Variants in TVP23A observed in about 807,000 individuals in gnomAD.
TVP23A encodes Golgi apparatus membrane protein TVP23 homolog A.
A neutral mutation model predicts 31.7 loss-of-function variants in TVP23A; 21 were observed. The observed-to-expected ratio is 0.66, with a 90% CI of 0.47 to 0.95. TVP23A has a LOEUF of 0.95. Ranked by LOEUF, TVP23A falls within the 40% of genes least tolerant of loss-of-function variation. The pLI is 0.00. For missense variants in TVP23A, 279 were observed against 255.6 expected (o/e 1.09, Z -0.62); for synonymous variants, 104 against 96.0 (o/e 1.08, Z -0.49).
At chr16:10,789,822 C>T (rs1406884266) in intron 2 of TVP23A, among the ~76,000 whole-genome samples, 1 of 144,710 alleles carries the variant, frequency 6.9e-6, no homozygotes, top group Non-Finnish European at 1.5e-5. Context: ...CAGAGTGAGA[C>T]TCTGTCTCAA....
chr16:10,761,787 G>T (rs267604406), downstream of TVP23A: 7 of 1,613,688 alleles, frequency 4.3e-6, no homozygotes, highest in Non-Finnish European at 5.9e-6. Flanking sequence ...TCCCACAACC[G>T]GGGGCGCGGA....
intron 2 of TVP23A, among the ~76,000 whole-genome samples, chr16:10,789,542 A>G (rs576549919): frequency 1.3e-5 from 2 of 151,762 alleles, no homozygotes; most frequent in South Asian, 4.2e-4. Context: ...CAAGATATAC[A>G]TTGGGGCTGG....
chr16:10,765,200 A>G (rs1485930761), downstream of TVP23A: 1 of 152,528 alleles, frequency 6.6e-6, no homozygotes, highest in African/African-American at 2.4e-5. This position sits in a 1 kb window ranked among gnomAD's most constrained non-coding sequence, Gnocchi z 4.0. Flanking sequence ...ATGAAGAGCT[A>G]GAAATCTATA....
At chr16:10,816,228 C>CAAAAAAAAAAAA (rs760801777) in intron 2 of TVP23A, among the ~76,000 whole-genome samples, 31 of 73,828 alleles carry the variant, frequency 4.2e-4, no homozygotes, top group African/African-American at 1.1e-3. Flanking sequence ...AACCCTATCT[C>CAAAAAAAAAAAA]AAAAAAAAAA....
At chr16:10,781,059 G>A (rs1174823117) in intron 2 of TVP23A, among the ~76,000 whole-genome samples, 1 of 152,018 alleles carries the variant, frequency 6.6e-6, no homozygotes, top group East Asian at 1.9e-4. Context: ...AGGAGACTCG[G>A]TGCTAACGCC....
chr16:10,799,714 G>A (rs555902727), intron 2 of TVP23A, among the ~76,000 whole-genome samples: 1 of 152,322 alleles, frequency 6.6e-6, no homozygotes, highest in South Asian at 2.1e-4. Context: ...GGAGAGTGAG[G>A]TTCCTCTTAG....
chr16:10,804,835 A>G (rs948487074), intron 2 of TVP23A, among the ~76,000 whole-genome samples: 2 of 152,222 alleles, frequency 1.3e-5, no homozygotes, highest in African/African-American at 2.4e-5. Flanking sequence ...TAACCATTTT[A>G]AAGTACACAC....
intron 2 of TVP23A, among the ~76,000 whole-genome samples, chr16:10,788,735 G>A (rs1375579244): frequency 6.6e-6 from 1 of 152,212 alleles, no homozygotes; most frequent in African/African-American, 2.4e-5. Context: ...TCATACTGTA[G>A]TAGTAGCGGT....
chr16:10,808,418 CAT>C, intron 2 of TVP23A: 3 of 414,144 alleles, frequency 7.2e-6, no homozygotes, highest in East Asian at 7.7e-5. Flanking sequence ...AGCCCACTAA[CAT>C]GTGATTTCCT....
At chr16:10,807,049 T>C (rs1237286946) in intron 2 of TVP23A, among the ~76,000 whole-genome samples, 1 of 152,222 alleles carries the variant, frequency 6.6e-6, no homozygotes, top group Non-Finnish European at 1.5e-5. Flanking sequence ...TGTGTCATAT[T>C]TCTATAATTT....
At chr16:10,781,928 C>T (rs1484331200) in intron 2 of TVP23A, among the ~76,000 whole-genome samples, 1 of 121,092 alleles carries the variant, frequency 8.3e-6, no homozygotes, top group African/African-American at 3.1e-5. Flanking sequence ...GTGATATGAT[C>T]TCGGCTCACT....
chr16:10,770,610 C>A (rs368800761), intron 6 of TVP23A, among the ~76,000 whole-genome samples: 1 of 151,520 alleles, frequency 6.6e-6, no homozygotes, highest in African/African-American at 2.4e-5. Context: ...CGGTAGCTCC[C>A]GCCTGTAATC....
At chr16:10,815,010 C>T (rs1000161348) in intron 2 of TVP23A, among the ~76,000 whole-genome samples, 35 of 152,318 alleles carry the variant, frequency 2.3e-4, no homozygotes, top group African/African-American at 8.2e-4. Flanking sequence ...TAACCAACTC[C>T]TACCCTACCT....
At chr16:10,816,360 G>A (rs556678236) in intron 2 of TVP23A, among the ~76,000 whole-genome samples, 9 of 151,244 alleles carry the variant, frequency 6.0e-5, no homozygotes, top group Non-Finnish European at 1.2e-4. Flanking sequence ...TTGAGACAGG[G>A]TCTCACTCTG....
chr16:10,761,664 C>CTTTTTTTTTTT (rs36097495), intron 8 of TVP23A: 1 of 811,736 alleles, frequency 1.2e-6, no homozygotes. Context: ...CAAACTAAGC[C>CTTTTTTTTTTT]TTTTTTTTTT....
chr16:10,799,192 A>G (rs1278186924), intron 2 of TVP23A, among the ~76,000 whole-genome samples: 1 of 152,248 alleles, frequency 6.6e-6, no homozygotes, highest in Non-Finnish European at 1.5e-5. Flanking sequence ...ACCCTGAGCC[A>G]GAACCACCCA....
chr16:10,802,101 T>TAAACAC (rs1555485661), intron 2 of TVP23A, among the ~76,000 whole-genome samples: 1 of 147,894 alleles, frequency 6.8e-6, no homozygotes, highest in Non-Finnish European at 1.5e-5. Context: ...CAAATACACA[T>TAAACAC]ACACACACAC....
At chr16:10,803,615 T>C (rs997372254) in intron 2 of TVP23A, among the ~76,000 whole-genome samples, 7 of 152,192 alleles carry the variant, frequency 4.6e-5, no homozygotes, top group Non-Finnish European at 1.0e-4. Context: ...CAGGGTCCCA[T>C]CAGCTGGTCC....
downstream of TVP23A, among the ~76,000 whole-genome samples, chr16:10,758,450 G>A (rs1319860468): frequency 1.3e-5 from 2 of 152,204 alleles, no homozygotes; most frequent in South Asian, 2.1e-4. Context: ...TCCAGCCAGC[G>A]CAAGCGAGTG....
Sources: gnomAD v4.1 joint callset for allele counts (sites outside exome capture counted in the v4.1 genomes callset) on GRCh38, gnomAD v4.1.1 for gene constraint, Gnocchi (gnomAD v3.1) non-coding constraint, MANE v1.5 for transcripts, NCBI Gene and HGNC (gene_info 2026-07-23, HGNC 2026-07-21) for gene names.